The following CRADD variants were observed in gnomAD, a reference collection of about 807,000 sequenced individuals.
CRADD encodes CARD and death domain containing adaptor protein.
In CRADD, 9 loss-of-function variants were observed where a neutral mutation model predicts 15.5. The ratio of observed to expected loss-of-function variants is 0.58; its 90% CI spans 0.35 to 1.01. The LOEUF is 1.01. Ranked by LOEUF, CRADD falls within the 50% of genes least tolerant of loss-of-function variation. The pLI is 0.02. For missense variants in CRADD, 227 were observed against 250.3 expected (o/e 0.91, Z 0.63); for synonymous variants, 118 against 107.6 (o/e 1.10, Z -0.60).
intron 2 of CRADD, among the ~76,000 whole-genome samples, chr12:93,696,376 T>C (rs993145699): frequency 6.6e-6 from 1 of 152,212 alleles, no homozygotes; most frequent in Admixed American, 6.5e-5. Flanking sequence ...AAATATAGCA[T>C]ATATACATAA....
In CRADD at chr12:93,816,361, C is replaced by T. The variant is rs372365026; in HGVS notation, c.299-33609C>T. On this transcript the variant is annotated intron_variant, in intron 2 of 2. Coordinates refer to ENST00000332896, the MANE Select transcript of CRADD (RefSeq NM_003805.5). ...CCTCCCAAGTAGCTGGGATTACAGG[C>T]GTGTGCCGTGATGCCTGGCTAATTT... Among the ~76,000 whole-genome samples, 5 of 149,160 alleles carry T rather than the reference C, an allele frequency of 3.4e-5. No individual in the cohort carries two copies. In the South Asian group the frequency reaches 6.4e-4, roughly 19 times the overall value.
rs112781033 is a variant in CRADD, at chr12:93,874,517, G to A, written c.299-19533G>A. The stretch of plus-strand genomic sequence containing the variant: ...TTGCTTTTCTAGTTCTTTAAGATGC[G>A]TTGTTAGATTGCTTATTTGAAGTTT... On this transcript the variant is annotated intron_variant, in intron 2 of 2. Coordinates refer to the CRADD transcript ENST00000548483. 4.2e-4 allele frequency among the ~76,000 whole-genome samples: 63 copies of A among 151,716 alleles called. 3 individuals are homozygous for A. Among genetic ancestry groups the A allele is most frequent in the East Asian group, 3.5e-3 (18 of 5,176 alleles).
chr12:93,809,713 G>A (rs555423470), intron 2 of CRADD, among the ~76,000 whole-genome samples: 3 of 152,240 alleles, frequency 2.0e-5, no homozygotes, highest in Admixed American at 6.5e-5. Flanking sequence ...GAATGAACAC[G>A]GAATGAATGG....
At position 93,824,626 on chromosome 12, in the gene CRADD, G is replaced by A. The variant is rs1031963327; in HGVS notation, c.299-25344G>A. ...TTAACACCGAAGAATGCATTAGAAT[G>A]CATCATTCTATGATACATTATCCGA... On this transcript the variant is annotated intron_variant, in intron 2 of 2. Transcript: ENST00000332896. This position sits in a 1 kb window ranked among gnomAD's most constrained non-coding sequence, Gnocchi z 4.3. 6.6e-6 allele frequency among the ~76,000 whole-genome samples: 1 copy of A among 152,192 alleles called. No individual in the cohort carries two copies. Among genetic ancestry groups the A allele is most frequent in the Non-Finnish European group, 1.5e-5 (1 of 68,030 alleles).
intron 2 of CRADD, among the ~76,000 whole-genome samples, chr12:93,791,085 A>G (rs889394640): frequency 1.8e-4 from 28 of 152,196 alleles, no homozygotes; most frequent in Non-Finnish European, 3.7e-4. Context: ...GTAAATTAGT[A>G]CAACCATTAT....
intron 2 of CRADD, among the ~76,000 whole-genome samples, chr12:93,738,925 AG>A (rs1956627733): frequency 6.6e-6 from 1 of 152,220 alleles, no homozygotes; most frequent in African/African-American, 2.4e-5. Flanking sequence ...TGTGTCTTTA[AG>A]GGGAAACTTA....
chr12:93,704,312 A>G (rs1176110181), intron 2 of CRADD, among the ~76,000 whole-genome samples: 2 of 152,258 alleles, frequency 1.3e-5, no homozygotes, highest in East Asian at 3.9e-4. Context: ...TACATCATGT[A>G]CTCATCTCTG....
chr12:93,768,667 A>G (rs1276293096), intron 2 of CRADD, among the ~76,000 whole-genome samples: 1 of 152,242 alleles, frequency 6.6e-6, no homozygotes, highest in Non-Finnish European at 1.5e-5. Context: ...TCAAGCCAAT[A>G]AATATGGATT....
intron 2 of CRADD, among the ~76,000 whole-genome samples, chr12:93,890,844 A>G (rs1340778785): frequency 6.8e-6 from 1 of 147,262 alleles, no homozygotes; most frequent in Non-Finnish European, 1.5e-5. Flanking sequence ...TGCAGCCTCC[A>G]CCTCCTGTGA....
rs142640990 is a variant in CRADD, at chr12:93,836,695, A to T, written c.299-13275A>T. Among the ~76,000 whole-genome samples, 110 of 152,370 alleles carry T rather than the reference A, an allele frequency of 7.2e-4. 2 individuals carry two copies. In the Middle Eastern group the frequency reaches 0.01, roughly 14 times the overall value. ...ACTGTAGCTATAGAGAATAAAGCTA[A>T]GTGAGTATGTTATCATTGTAATGAA... On this transcript the variant is annotated intron_variant, in intron 2 of 2. Coordinates refer to ENST00000332896, the MANE Select transcript of CRADD (RefSeq NM_003805.5).
chr12:93,796,916 T>C (rs1957424946), intron 2 of CRADD, among the ~76,000 whole-genome samples: 1 of 152,196 alleles, frequency 6.6e-6, no homozygotes, highest in African/African-American at 2.4e-5. Flanking sequence ...GGATATCACG[T>C]GGCACATCCT....
At chr12:93,878,567 G>A (rs1314250385) in intron 2 of CRADD, among the ~76,000 whole-genome samples, 2 of 152,126 alleles carry the variant, frequency 1.3e-5, no homozygotes, top group Non-Finnish European at 2.9e-5. Context: ...GATTCATTCA[G>A]TCTTCCAGTC....
rs538160277 is a variant in CRADD at position 93,810,466 on chromosome 12, G to A, written c.299-39504G>A. Among the ~76,000 whole-genome samples, 260 of 144,300 alleles carry A rather than the reference G, an allele frequency of 1.8e-3. 3 individuals are homozygous for A. Among genetic ancestry groups the A allele is most frequent in the African/African-American group, 6.4e-3 (248 of 38,978 alleles). The allele number at this position is 144,300 out of a possible 152,430, so 94.7% of individuals were successfully genotyped here. On this transcript the variant is annotated intron_variant, in intron 2 of 2. Transcript: ENST00000332896. Reference sequence around the variant, plus strand: ...CTTGGGAGGCTGAGGCAGGAGAATCGCTTGAACCCTGGAGGCAGAGGTTCC... The same window carrying A: ...CTTGGGAGGCTGAGGCAGGAGAATCACTTGAACCCTGGAGGCAGAGGTTCC...
At chr12:93,805,764 C>T (rs1957530028) in intron 2 of CRADD, among the ~76,000 whole-genome samples, 1 of 152,106 alleles carries the variant, frequency 6.6e-6, no homozygotes, top group African/African-American at 2.4e-5. Flanking sequence ...ACCTTGTACC[C>T]CATGCAGCAG....
At chr12:93,761,387 A>G (rs942350161) in intron 2 of CRADD, among the ~76,000 whole-genome samples, 36 of 152,038 alleles carry the variant, frequency 2.4e-4, no homozygotes, top group African/African-American at 8.5e-4. Context: ...AGAGATGATG[A>G]TGGTGGCTTA....
chr12:93,825,630 T>C (rs1255188260), intron 2 of CRADD, among the ~76,000 whole-genome samples: 1 of 152,220 alleles, frequency 6.6e-6, no homozygotes. Context: ...CTTATTTCTC[T>C]TCTCTGTTAT....
intron 2 of CRADD, among the ~76,000 whole-genome samples, chr12:93,758,539 TA>T (rs1181815790): frequency 6.6e-6 from 1 of 152,074 alleles, no homozygotes; most frequent in African/African-American, 2.4e-5. Flanking sequence ...TATTAATGGT[TA>T]TTAATATAAT....
At chr12:93,742,694 G>C (rs1157183956) in intron 2 of CRADD, among the ~76,000 whole-genome samples, 1 of 152,144 alleles carries the variant, frequency 6.6e-6, no homozygotes, top group Admixed American at 6.5e-5. Context: ...TTGCTTCTGG[G>C]AAGGAACACC....
intron 2 of CRADD, among the ~76,000 whole-genome samples, chr12:93,743,632 T>G (rs940793149): frequency 9.9e-5 from 15 of 152,200 alleles, no homozygotes; most frequent in Non-Finnish European, 7.4e-5. Context: ...AAGCCTAAAA[T>G]TATTCTTACT....
Sources: gnomAD v4.1 joint callset for allele counts (sites outside exome capture counted in the v4.1 genomes callset) on GRCh38, gnomAD v4.1.1 for gene constraint, Gnocchi (gnomAD v3.1) non-coding constraint, MANE v1.5 for transcripts, NCBI Gene and HGNC (gene_info 2026-07-23, HGNC 2026-07-21) for gene names.